Variants in AHCYL2 observed in about 807,000 individuals in gnomAD.
AHCYL2 encodes adenosylhomocysteinase like 2.
A neutral mutation model predicts 81.4 loss-of-function variants in AHCYL2; 28 were observed. The observed-to-expected ratio is 0.34, with a 90% confidence interval of 0.25 to 0.47. The LOEUF (loss-of-function observed/expected upper bound fraction) is 0.47. Ranked by LOEUF, AHCYL2 falls within the 20% of genes least tolerant of loss-of-function variation. AHCYL2 has a pLI of 1.00. For missense variants in AHCYL2, 551 were observed against 785.1 expected, an observed-to-expected ratio of 0.70 and a Z score of 3.56; for synonymous variants, 272 against 290.2, an observed-to-expected ratio of 0.94 and a Z score of 0.64.
At chr7:129,254,598 G>C (rs1795348053) in intron 1 of AHCYL2, among the ~76,000 whole-genome samples, 1 of 152,120 alleles carries the variant, frequency 6.6e-6, no homozygotes, top group African/African-American at 2.4e-5. Flanking sequence ...CAATTTTGTT[G>C]AACTAGAGCC....
chr7:129,352,661 A>C (rs1793606849), intron 1 of AHCYL2, among the ~76,000 whole-genome samples: 1 of 152,158 alleles, frequency 6.6e-6, no homozygotes, highest in Non-Finnish European at 1.5e-5. Flanking sequence ...TCTGCTGTTA[A>C]GATAACCTCA....
At position 129,225,202 on chromosome 7, in the gene AHCYL2, C is replaced by A. The variant is rs1163804190; in HGVS notation, c.126C>A (p.Ala42=). The stretch of plus-strand genomic sequence containing the variant: ...GCACGGCCGCCGTGGGCGCCATGGC[C>A]CCCCCGGCGGGCGGTGGAGACCCTG... ...GLSTAAVGAM[A]PPAGGGDPEA... is the part of the protein sequence containing the mutation. The change falls in exon 1 of 17, where the codon GCC becomes GCA. Residue 42 remains alanine, a synonymous_variant. Transcript: ENST00000325006. 9 of 1,550,890 alleles carry A rather than the reference C, an allele frequency of 5.8e-6. No individual in the cohort carries two copies. The highest frequency in any genetic ancestry group is 1.2e-5 in the South Asian group (1 of 85,378).
At chr7:129,230,085 T>C (rs916852375) in intron 1 of AHCYL2, among the ~76,000 whole-genome samples, 1 of 144,972 alleles carries the variant, frequency 6.9e-6, no homozygotes, top group Non-Finnish European at 1.5e-5. Flanking sequence ...AATTCTTTTT[T>C]TTTTTTTTTT....
chr7:129,305,385 G>T (rs113062601), intron 1 of AHCYL2, among the ~76,000 whole-genome samples: 1 of 151,936 alleles, frequency 6.6e-6, no homozygotes. Flanking sequence ...GCTTGAATCC[G>T]GGAGGCAGAG....
intron 1 of AHCYL2, among the ~76,000 whole-genome samples, chr7:129,235,245 C>T (rs943565286): frequency 2.6e-5 from 4 of 151,874 alleles, no homozygotes; most frequent in African/African-American, 9.7e-5. Context: ...GCTGCTCCTT[C>T]TCATTCTTCT....
intron 13 of AHCYL2, 50 bp from the exon 14 acceptor site, chr7:129,424,824 G>A: frequency 6.2e-7 from 1 of 1,604,662 alleles, no homozygotes; most frequent in Non-Finnish European, 8.5e-7. Context: ...ACTTCTCAAA[G>A]GCCAGCGACT....
intron 1 of AHCYL2, among the ~76,000 whole-genome samples, chr7:129,326,483 G>T (rs1168276527): frequency 6.6e-6 from 1 of 152,070 alleles, no homozygotes; most frequent in African/African-American, 2.4e-5. Context: ...CTGAGATCAT[G>T]CCATTACACT....
chr7:129,409,446 A>G lies in AHCYL2; in HGVS notation c.1296-30A>G, dbSNP rs750813471. ...TAAAAGGCTCCCCAGCTGCCTGTTT[A>G]GGTTAATGGGTCATGCTTTATTTCA... On this transcript the variant is annotated intron_variant, in intron 10 of 16. Coordinates refer to ENST00000325006, the MANE Select transcript of AHCYL2 (RefSeq NM_015328.4). The G allele has an allele frequency of 1.7e-4, 273 of 1,596,504 alleles. 1 individual carries two copies. Among genetic ancestry groups the G allele is most frequent in the Non-Finnish European group, 1.5e-4 (173 of 1,168,164 alleles).
intron 10 of AHCYL2, among the ~76,000 whole-genome samples, chr7:129,408,838 A>T (rs1440729344): frequency 1.3e-5 from 2 of 152,174 alleles, no homozygotes; most frequent in Non-Finnish European, 2.9e-5. Context: ...ACCAGGAGAG[A>T]TGTATCATGG....
chr7:129,393,331 T>C (rs1052827036), intron 4 of AHCYL2, among the ~76,000 whole-genome samples: 6 of 152,172 alleles, frequency 3.9e-5, no homozygotes, highest in Admixed American at 2.0e-4. Context: ...GGTGGGAGGA[T>C]TGATTGAGCC....
At chr7:129,412,279 T>C (rs530758306) in intron 11 of AHCYL2, among the ~76,000 whole-genome samples, 2 of 151,776 alleles carry the variant, frequency 1.3e-5, no homozygotes, top group Non-Finnish European at 1.5e-5. Flanking sequence ...AAAAACAACA[T>C]TTTTAGGAAT....
intron 1 of AHCYL2, among the ~76,000 whole-genome samples, chr7:129,353,603 C>T (rs1041988417): frequency 2.7e-5 from 4 of 149,794 alleles, no homozygotes; most frequent in African/African-American, 7.4e-5. Flanking sequence ...TAAAAATAAG[C>T]AAATAATTTT....
At chr7:129,317,018 C>T (rs928019674) in intron 1 of AHCYL2, among the ~76,000 whole-genome samples, 7 of 152,122 alleles carry the variant, frequency 4.6e-5, no homozygotes, top group African/African-American at 9.7e-5. Flanking sequence ...GTCTTCATTG[C>T]GGGCCAGGTC....
At chr7:129,249,637 G>T (rs1164150255) in intron 1 of AHCYL2, among the ~76,000 whole-genome samples, 9 of 151,496 alleles carry the variant, frequency 5.9e-5, no homozygotes, top group Admixed American at 5.9e-4. Context: ...TTGTTAGCCA[G>T]GATGGTCTCG....
chr7:129,323,097 T>C (rs2150791691), intron 1 of AHCYL2, among the ~76,000 whole-genome samples: 1 of 152,264 alleles, frequency 6.6e-6, no homozygotes, highest in South Asian at 2.1e-4. Context: ...TTTTAAAATT[T>C]CTGCTGTGGA....
chr7:129,346,197 A>G (rs1793356878), intron 1 of AHCYL2, among the ~76,000 whole-genome samples: 1 of 152,134 alleles, frequency 6.6e-6, no homozygotes, highest in African/African-American at 2.4e-5. Context: ...CCTTTTTCAA[A>G]TAAATCCTAG....
At chr7:129,348,415 T>C (rs1195334391) in intron 1 of AHCYL2, among the ~76,000 whole-genome samples, 1 of 144,688 alleles carries the variant, frequency 6.9e-6, no homozygotes, top group African/African-American at 2.5e-5. Context: ...CACACACACA[T>C]ACATGCTTTT....
intron 1 of AHCYL2, among the ~76,000 whole-genome samples, chr7:129,335,437 G>A (rs1798567563): frequency 6.6e-6 from 1 of 151,884 alleles, no homozygotes; most frequent in Admixed American, 6.6e-5. Flanking sequence ...GTCTGTTAAA[G>A]AAAAATACCT....
At chr7:129,340,313 A>G (rs936062611) in intron 1 of AHCYL2, among the ~76,000 whole-genome samples, 2 of 147,636 alleles carry the variant, frequency 1.4e-5, no homozygotes, top group Non-Finnish European at 3.0e-5. Flanking sequence ...CACGCCTGTA[A>G]TCCCAGCTCT....
Sources: allele counts gnomAD v4.1 joint callset (sites outside exome capture counted in the v4.1 genomes callset), GRCh38; gene constraint gnomAD v4.1.1; transcripts MANE v1.5; gene names NCBI Gene and HGNC (gene_info 2026-07-23, HGNC 2026-07-21).